The following DENND2C variants were observed in gnomAD, a reference collection of about 807,000 sequenced individuals.
The protein encoded by DENND2C is DENN domain containing 2C.
DENND2C carries 72 observed loss-of-function variants against 112.4 expected under a neutral mutation model. The ratio of observed to expected loss-of-function variants is 0.64; its 90% CI spans 0.53 to 0.78. The LOEUF (loss-of-function observed/expected upper bound fraction) is 0.78. Among genes scored for constraint, DENND2C ranks in the 30% least tolerant of loss-of-function variants. The pLI, the probability that DENND2C is intolerant of heterozygous loss-of-function variation, is 0.00. For missense variants in DENND2C, 992 were observed against 1,113.8 expected (o/e 0.89, Z 1.56); for synonymous variants, 329 against 381.6 (o/e 0.86, Z 1.61).
In DENND2C at chr1:114,585,257, A is replaced by AT. The variant is rs1655010096; in HGVS notation, c.*342dup. On this transcript the variant is annotated 3_prime_UTR_variant, in exon 21 of 21. Coordinates refer to ENST00000393274, the MANE Select transcript of DENND2C (RefSeq NM_001256404.2). ...CTCTCATTATTCTCATCTTTGAGCT[A>AT]TTTTTTAAATGTAACAACAACAAGG... The AT allele has an allele frequency of 7.5e-6, 2 of 267,626 alleles. No individual in the cohort carries two copies. The highest frequency in any genetic ancestry group is 1.4e-5 in the Non-Finnish European group (2 of 139,436). 16.6% of individuals were successfully genotyped at this position (267,626 alleles called of 1,614,324 possible).
At chr1:114,657,942 C>T (rs569838723) in intron 1 of DENND2C, among the ~76,000 whole-genome samples, 27 of 152,214 alleles carry the variant, frequency 1.8e-4, no homozygotes, top group Admixed American at 8.5e-4. Flanking sequence ...CCAATGGGAC[C>T]GGAAAGATTA....
intron 2 of DENND2C, among the ~76,000 whole-genome samples, chr1:114,645,991 G>A (rs926094897): frequency 2.6e-5 from 4 of 151,370 alleles, no homozygotes; most frequent in Non-Finnish European, 5.9e-5. Flanking sequence ...CAGTGGCGCC[G>A]TTTTGGCTCA....
chr1:114,613,207 T>G (rs1328128669), intron 8 of DENND2C, among the ~76,000 whole-genome samples: 1 of 152,210 alleles, frequency 6.6e-6, no homozygotes, highest in Non-Finnish European at 1.5e-5. Context: ...TGGATCTCTA[T>G]GTGTTGATAC....
intron 3 of DENND2C, among the ~76,000 whole-genome samples, chr1:114,631,414 T>C (rs544041432): frequency 6.6e-6 from 1 of 151,922 alleles, no homozygotes; most frequent in South Asian, 2.1e-4. Context: ...AAAATGTCCG[T>C]CATCTAATCA....
At chr1:114,624,483 G>C (rs1248107666) in intron 4 of DENND2C, among the ~76,000 whole-genome samples, 1 of 151,226 alleles carries the variant, frequency 6.6e-6, no homozygotes, top group Non-Finnish European at 1.5e-5. Flanking sequence ...TTTTTATAGA[G>C]ACAGGGTCTC....
At chr1:114,652,889 T>C (rs1335591033) in intron 2 of DENND2C, among the ~76,000 whole-genome samples, 2 of 151,926 alleles carry the variant, frequency 1.3e-5, no homozygotes, top group South Asian at 2.1e-4. Context: ...TAATACCTAA[T>C]GCAACGTAAA....
rs769883526 is a variant in DENND2C at position 114,625,644 on chromosome 1, G to T, written c.341C>A (p.Ser114Tyr). The T allele has an allele frequency of 6.2e-7, 1 of 1,613,870 alleles. No individual in the cohort carries two copies. Among genetic ancestry groups the T allele is most frequent in the East Asian group, 2.2e-5 (1 of 44,876 alleles). The change falls in exon 4 of 21, where the codon TCC becomes TAC. Residue 114 changes from serine (S) to tyrosine (Y), a missense_variant. Transcript: ENST00000393274. ...TTTGACCCGAGAACATACCCAGTTG[G>T]ATTCTGATTCATTTTTAAAGAAGTG... Reference protein sequence around the residue: ...DTHFFKNESESNWVCSRVKEI... With the variant: ...DTHFFKNESEYNWVCSRVKEI...
chr1:114,591,053 A>G (rs1286057211), intron 18 of DENND2C, among the ~76,000 whole-genome samples: 1 of 151,962 alleles, frequency 6.6e-6, no homozygotes, highest in Admixed American at 6.6e-5. Flanking sequence ...TGCAGCCTCA[A>G]ATTCCTGGGC....
At chr1:114,651,808 C>A (rs1021008748) in intron 2 of DENND2C, among the ~76,000 whole-genome samples, 14 of 152,202 alleles carry the variant, frequency 9.2e-5, no homozygotes, top group African/African-American at 3.4e-4. Context: ...TTAGGCAAAG[C>A]AGAGTAAGTA....
intron 2 of DENND2C, among the ~76,000 whole-genome samples, chr1:114,647,794 C>T (rs1657036683): frequency 6.6e-6 from 1 of 151,896 alleles, no homozygotes; most frequent in Admixed American, 6.6e-5. Context: ...TATGTATCTA[C>T]TTTCATTACT....
At chr1:114,657,628 T>C (rs541747231) in intron 1 of DENND2C, among the ~76,000 whole-genome samples, 1 of 152,310 alleles carries the variant, frequency 6.6e-6, no homozygotes, top group African/African-American at 2.4e-5. Context: ...CATTAGGACT[T>C]GGACAAGAGC....
chr1:114,632,823 T>G (rs1178163756), intron 3 of DENND2C, among the ~76,000 whole-genome samples: 1 of 152,198 alleles, frequency 6.6e-6, no homozygotes, highest in Admixed American at 6.5e-5. Flanking sequence ...CTGTATTTAG[T>G]GCCCATTTTA....
In DENND2C at chr1:114,583,819, A is replaced by C. The variant is rs905778492; in HGVS notation, c.*1781T>G. On this transcript the variant is annotated 3_prime_UTR_variant, in exon 21 of 21. Transcript: ENST00000393274. ...CGAAACTCCATCTCAAAAAAAAAAA[A>C]AAAAAACCGAAACAAAACACACACA... 4.3e-5 allele frequency: 6 copies of C among 140,458 alleles called. No homozygotes were observed. Among genetic ancestry groups the C allele is most frequent in the African/African-American group, 1.1e-4 (4 of 37,206 alleles). The allele number at this position is 140,458 out of a possible 1,614,324, so 8.7% of individuals were successfully genotyped here.
At chr1:114,638,076 A>G (rs888742716) in intron 3 of DENND2C, among the ~76,000 whole-genome samples, 7 of 152,244 alleles carry the variant, frequency 4.6e-5, no homozygotes, top group Non-Finnish European at 7.3e-5. Context: ...ACAACAATGT[A>G]TATTAGTTGA....
At chr1:114,617,198 A>C (rs1655994400) in intron 8 of DENND2C, among the ~76,000 whole-genome samples, 1 of 152,228 alleles carries the variant, frequency 6.6e-6, no homozygotes, top group South Asian at 2.1e-4. Flanking sequence ...CAGACAACCA[A>C]GTTAAGAATC....
chr1:114,637,065 T>C (rs1557953952), intron 3 of DENND2C, among the ~76,000 whole-genome samples: 1 of 148,284 alleles, frequency 6.7e-6, no homozygotes, highest in Non-Finnish European at 1.5e-5. Flanking sequence ...GGCAATATGG[T>C]TAAACCCTGT....
intron 1 of DENND2C, among the ~76,000 whole-genome samples, chr1:114,658,984 C>T (rs956501494): frequency 6.6e-6 from 1 of 152,124 alleles, no homozygotes; most frequent in Non-Finnish European, 1.5e-5. Context: ...GCACATTAAA[C>T]TCAGTTATTG....
intron 3 of DENND2C, among the ~76,000 whole-genome samples, chr1:114,626,649 T>C (rs1656350773): frequency 6.6e-6 from 1 of 151,678 alleles, no homozygotes; most frequent in African/African-American, 2.4e-5. Flanking sequence ...TAGCTGTGAC[T>C]ACAGGTACAT....
At chr1:114,649,529 A>G (rs572376054) in intron 2 of DENND2C, among the ~76,000 whole-genome samples, 2 of 151,964 alleles carry the variant, frequency 1.3e-5, no homozygotes, top group South Asian at 4.1e-4. Flanking sequence ...GCATCCCACC[A>G]CATCTGGCTA....
Sources: gnomAD v4.1 joint callset for allele counts (sites outside exome capture counted in the v4.1 genomes callset) on GRCh38, gnomAD v4.1.1 for gene constraint, MANE v1.5 for transcripts, NCBI Gene and HGNC (gene_info 2026-07-23, HGNC 2026-07-21) for gene names.